Variants in CDH20 observed in about 807,000 individuals in gnomAD.
CDH20 encodes cadherin-20.
CDH20 carries 29 observed loss-of-function variants against 74.2 expected under a neutral mutation model. The observed-to-expected ratio is 0.39, with a 90% CI of 0.29 to 0.53. The LOEUF (loss-of-function observed/expected upper bound fraction) is 0.53, where lower values mean the gene tolerates loss of function less well. Ranked by LOEUF, CDH20 falls within the 20% of genes least tolerant of loss-of-function variation. The pLI is 0.69. For missense variants in CDH20, 988 were observed against 1,048.3 expected (o/e 0.94, Z 0.79); for synonymous variants, 469 against 405.4 (o/e 1.16, Z -1.88).
intron 1 of CDH20, among the ~76,000 whole-genome samples, chr18:61,455,417 A>G (rs116605926): frequency 6.6e-6 from 1 of 152,368 alleles, no homozygotes; most frequent in African/African-American, 2.4e-5. Flanking sequence ...CATTAATGAA[A>G]TTATTTTTTG....
At chr18:61,409,179 T>C (rs1912418839) in intron 1 of CDH20, among the ~76,000 whole-genome samples, 1 of 152,190 alleles carries the variant, frequency 6.6e-6, no homozygotes, top group Non-Finnish European at 1.5e-5. Flanking sequence ...TGCTTAGAAA[T>C]GTTTTCATTA....
chr18:61,513,235 T>A (rs1911851841), intron 6 of CDH20, among the ~76,000 whole-genome samples: 1 of 145,546 alleles, frequency 6.9e-6, no homozygotes, highest in African/African-American at 2.6e-5. Flanking sequence ...TCTTGTTGAA[T>A]TGATCCCTTT....
intron 1 of CDH20, among the ~76,000 whole-genome samples, chr18:61,460,413 AAAGT>A (rs1275245692): frequency 7.2e-5 from 11 of 152,208 alleles, no homozygotes; most frequent in African/African-American, 2.7e-4. Context: ...AAATGACAAA[AAAGT>A]AAGAAGCTGA....
intron 1 of CDH20, among the ~76,000 whole-genome samples, chr18:61,355,751 T>C (rs1191061893): frequency 6.6e-6 from 1 of 152,118 alleles, no homozygotes. Context: ...AAAATAAAAT[T>C]AAAAGATTTA....
intron 8 of CDH20, among the ~76,000 whole-genome samples, chr18:61,538,602 G>GTTTTTTTTTTTTTT (rs1227502362): frequency 2.0e-5 from 1 of 50,450 alleles, no homozygotes. Context: ...GTTTGTTTTT[G>GTTTTTTTTTTTTTT]TTTTTGTTTT....
At chr18:61,513,660 G>A (rs1434762508) in intron 6 of CDH20, among the ~76,000 whole-genome samples, 2 of 152,166 alleles carry the variant, frequency 1.3e-5, no homozygotes, top group African/African-American at 4.8e-5. Flanking sequence ...TCCACATTTA[G>A]CGCTTCCTTC....
chr18:61,364,407 C>T (rs999817560), intron 1 of CDH20, among the ~76,000 whole-genome samples: 1 of 152,138 alleles, frequency 6.6e-6, no homozygotes, highest in Admixed American at 6.5e-5. Context: ...CCACCTCCCC[C>T]ATTCAAGCGA....
At chr18:61,421,880 T>C (rs1354948587) in intron 1 of CDH20, among the ~76,000 whole-genome samples, 4 of 152,162 alleles carry the variant, frequency 2.6e-5, no homozygotes, top group African/African-American at 9.6e-5. Context: ...TTATTTGGTC[T>C]GATTAGTGTC....
chr18:61,374,023 G>A (rs890929958), intron 1 of CDH20, among the ~76,000 whole-genome samples: 1 of 152,082 alleles, frequency 6.6e-6, no homozygotes, highest in Non-Finnish European at 1.5e-5. Context: ...AGGAAATCAG[G>A]TATGCTCTTC....
At chr18:61,335,994 T>C (rs2144078300) in intron 1 of CDH20, among the ~76,000 whole-genome samples, 1 of 152,286 alleles carries the variant, frequency 6.6e-6, no homozygotes, top group South Asian at 2.1e-4. Flanking sequence ...CCTTCTACCT[T>C]TCTGCCCTGT....
intron 1 of CDH20, among the ~76,000 whole-genome samples, chr18:61,392,679 G>T (rs1911834119): frequency 1.3e-5 from 2 of 151,708 alleles, no homozygotes; most frequent in Admixed American, 1.3e-4. Context: ...AGACACTGAA[G>T]CATCTTGAGT....
intron 1 of CDH20, among the ~76,000 whole-genome samples, chr18:61,354,631 C>T (rs1216076221): frequency 2.1e-5 from 3 of 144,916 alleles, no homozygotes; most frequent in Non-Finnish European, 4.6e-5. Flanking sequence ...TAAATAAAAC[C>T]CCTAGGTTTT....
At chr18:61,514,300 G>A (rs1282105714) in intron 6 of CDH20, among the ~76,000 whole-genome samples, 2 of 152,134 alleles carry the variant, frequency 1.3e-5, no homozygotes, top group South Asian at 2.1e-4. Flanking sequence ...ATCAGCTCCT[G>A]AGGCTTCTGC....
intron 1 of CDH20, among the ~76,000 whole-genome samples, chr18:61,390,997 A>G (rs2144202755): frequency 6.6e-6 from 1 of 152,314 alleles, no homozygotes; most frequent in Middle Eastern, 3.4e-3. Context: ...AAAAAAATAT[A>G]CATATGGTAA....
chr18:61,499,112 AC>A (rs1771545752), intron 2 of CDH20, 73 bp from the exon 3 acceptor site: 3 of 1,245,280 alleles, frequency 2.4e-6, no homozygotes. Context: ...TAAGTTTGTA[AC>A]AAACTGAAAA....
At chr18:61,361,331 A>G (rs1218158535) in intron 1 of CDH20, among the ~76,000 whole-genome samples, 1 of 152,188 alleles carries the variant, frequency 6.6e-6, no homozygotes, top group Non-Finnish European at 1.5e-5. Context: ...TGAGGTGACA[A>G]ATTATCTTTC....
chr18:61,496,056 C>T (rs1426864706), intron 2 of CDH20, among the ~76,000 whole-genome samples: 1 of 71,832 alleles, frequency 1.4e-5, no homozygotes, highest in African/African-American at 6.1e-5. Context: ...CCTCTCCCCC[C>T]TCTCTCCTCC....
rs1568148257 is a variant in CDH20, at chr18:61,460,740, AT to A, written c.-152-29660del. Among the ~76,000 whole-genome samples, 4 of 152,230 alleles carry A rather than the reference AT, an allele frequency of 2.6e-5. No homozygotes were observed. The South Asian group carries it at 8.3e-4, about 32-fold the overall frequency. On this transcript the variant is annotated intron_variant, in intron 1 of 11. Coordinates refer to ENST00000262717, the MANE Select transcript of CDH20 (RefSeq NM_031891.4). ...TATCCCTTGACCATATGGTTTATTT[AT>A]TGCATAAGCTGTTTTGCAGAGGCTT...
intron 1 of CDH20, among the ~76,000 whole-genome samples, chr18:61,349,824 G>A (rs992084206): frequency 4.0e-5 from 6 of 151,236 alleles, no homozygotes; most frequent in African/African-American, 7.3e-5. Flanking sequence ...TCTATCTCAC[G>A]CTGCAGGTTG....
Sources: allele counts gnomAD v4.1 joint callset (sites outside exome capture counted in the v4.1 genomes callset), GRCh38; gene constraint gnomAD v4.1.1; transcripts MANE v1.5; gene names NCBI Gene and HGNC (gene_info 2026-07-23, HGNC 2026-07-21).